Variants in PRKG1 observed in about 807,000 individuals in gnomAD.
The protein encoded by PRKG1 is protein kinase cGMP-dependent 1.
A neutral mutation model predicts 88.1 loss-of-function variants in PRKG1; 35 were observed. The observed-to-expected ratio is 0.40, with a 90% confidence interval of 0.30 to 0.53. The LOEUF (loss-of-function observed/expected upper bound fraction) is 0.53, where lower values mean the gene tolerates loss of function less well. Among genes scored for constraint, PRKG1 ranks in the 20% least tolerant of loss-of-function variants. The pLI, the probability that PRKG1 is intolerant of heterozygous loss-of-function variation, is 0.59. For missense variants in PRKG1, 540 were observed against 839.8 expected (o/e 0.64, Z 4.41); for synonymous variants, 303 against 292.5 (o/e 1.04, Z -0.37).
At chr10:51,303,056 C>T (rs1035208659) in intron 2 of PRKG1, among the ~76,000 whole-genome samples, 10 of 151,940 alleles carry the variant, frequency 6.6e-5, no homozygotes, top group Non-Finnish European at 1.0e-4. Context: ...CTGTTTCAAC[C>T]GGGTTAAGAT....
intron 2 of PRKG1, among the ~76,000 whole-genome samples, chr10:51,282,192 T>C (rs1840318687): frequency 6.6e-6 from 1 of 152,186 alleles, no homozygotes; most frequent in African/African-American, 2.4e-5. Context: ...TCCAGTTTTT[T>C]GAGCTTGGAA....
chr10:51,724,855 G>C (rs1349327251), intron 3 of PRKG1, among the ~76,000 whole-genome samples: 4 of 149,992 alleles, frequency 2.7e-5, no homozygotes, highest in Admixed American at 2.7e-4. Flanking sequence ...TACCATGCCT[G>C]GCTAATTTTT....
chr10:51,001,931 G>A (rs1426515553), intron 1 of PRKG1, among the ~76,000 whole-genome samples: 1 of 149,558 alleles, frequency 6.7e-6, no homozygotes, highest in Non-Finnish European at 1.5e-5. Flanking sequence ...AGTTTGAAAA[G>A]TGTATTATCA....
chr10:51,943,821 A>G (rs1397554220), intron 5 of PRKG1, among the ~76,000 whole-genome samples: 2 of 152,000 alleles, frequency 1.3e-5, no homozygotes, highest in Non-Finnish European at 2.9e-5. Context: ...ATCATGGTGG[A>G]TAAGCTTCTT....
At chr10:51,689,765 C>A (rs1841089276) in intron 3 of PRKG1, among the ~76,000 whole-genome samples, 1 of 152,140 alleles carries the variant, frequency 6.6e-6, no homozygotes, top group Non-Finnish European at 1.5e-5. Flanking sequence ...ACTAGCCATT[C>A]AAAGGCCTGG....
chr10:51,349,708 T>C (rs1314545527), intron 2 of PRKG1, among the ~76,000 whole-genome samples: 1 of 152,072 alleles, frequency 6.6e-6, no homozygotes, highest in Admixed American at 6.6e-5. Flanking sequence ...GGTTTCACCA[T>C]GTTGGCCAGG....
intron 2 of PRKG1, among the ~76,000 whole-genome samples, chr10:51,298,865 A>G (rs1402649417): frequency 6.6e-6 from 1 of 152,224 alleles, no homozygotes; most frequent in Admixed American, 6.5e-5. Context: ...CATAGTAGGC[A>G]TGCAACAAAA....
intron 2 of PRKG1, among the ~76,000 whole-genome samples, chr10:51,363,818 G>C (rs17600560): frequency 6.6e-6 from 1 of 151,984 alleles, no homozygotes; most frequent in South Asian, 2.1e-4. Context: ...CCCTGACCAC[G>C]TCAACGTAAG....
intron 3 of PRKG1, among the ~76,000 whole-genome samples, chr10:51,509,908 G>A (rs772673253): frequency 3.3e-5 from 5 of 152,094 alleles, no homozygotes; most frequent in Non-Finnish European, 7.4e-5. Flanking sequence ...GATGCACTGT[G>A]GTGAGTGTTA....
chr10:51,852,494 C>G (rs185608890), intron 4 of PRKG1, among the ~76,000 whole-genome samples: 1 of 152,042 alleles, frequency 6.6e-6, no homozygotes, highest in African/African-American at 2.4e-5. Context: ...CATAGCAGCT[C>G]CATGTGGTAG....
chr10:51,133,873 T>C (rs1845630186), intron 1 of PRKG1, among the ~76,000 whole-genome samples: 1 of 152,072 alleles, frequency 6.6e-6, no homozygotes, highest in African/African-American at 2.4e-5. Context: ...ATGGGAGAGG[T>C]GCCAGTACAT....
chr10:51,619,896 A>G (rs140890195), intron 3 of PRKG1, among the ~76,000 whole-genome samples: 11 of 152,230 alleles, frequency 7.2e-5, no homozygotes, highest in African/African-American at 2.2e-4. Flanking sequence ...AGAAGCATCA[A>G]TTGAGTTTGC....
At position 52,225,004 on chromosome 10, in the gene PRKG1, G is replaced by A. The variant is rs192510797; in HGVS notation, c.1077-26566G>A. Among the ~76,000 whole-genome samples, 424 of 151,784 alleles carry A rather than the reference G, an allele frequency of 2.8e-3. 8 individuals carry two copies. The highest frequency in any genetic ancestry group is 4.4e-3 in the Non-Finnish European group (301 of 67,918). On this transcript the variant is annotated intron_variant, in intron 9 of 17. Coordinates refer to ENST00000373980, the MANE Select transcript of PRKG1 (RefSeq NM_006258.4). Reference sequence around the variant, plus strand: ...TTTTCCTCTGGTTAGATATCCAGTAGTTGGATTGCTGGAACAAATTGTAGT... The same window carrying A: ...TTTTCCTCTGGTTAGATATCCAGTAATTGGATTGCTGGAACAAATTGTAGT...
chr10:51,593,547 C>T (rs7905079), intron 3 of PRKG1, among the ~76,000 whole-genome samples: 10,923 of 152,142 alleles, frequency 0.072, 1,284 homozygotes, highest in African/African-American at 0.25. Context: ...CTGACATCTC[C>T]ATTTTTAACA....
chr10:51,474,134 T>G (rs1444433888), intron 3 of PRKG1, among the ~76,000 whole-genome samples: 1 of 151,940 alleles, frequency 6.6e-6, no homozygotes, highest in Non-Finnish European at 1.5e-5. Context: ...GCTTTAGGGA[T>G]GGGTGTTGTT....
chr10:51,284,007 G>C (rs1219082330), intron 2 of PRKG1, among the ~76,000 whole-genome samples: 3 of 152,116 alleles, frequency 2.0e-5, no homozygotes, highest in Non-Finnish European at 4.4e-5. Context: ...AGAACTGTCT[G>C]CTATACATAT....
rs551744897 is a variant in PRKG1, at chr10:51,957,187, C to G, written c.762+49617C>G. ...TCTCTTTCTTTTACTTCCTTCCTTCCTCCCTCCTTTCCTCCCTCCCTACCT... is the reference window on the plus strand; with the variant it reads ...TCTCTTTCTTTTACTTCCTTCCTTCGTCCCTCCTTTCCTCCCTCCCTACCT... On this transcript the variant is annotated intron_variant, in intron 5 of 17. Coordinates refer to ENST00000373980, the MANE Select transcript of PRKG1 (RefSeq NM_006258.4). 1.7e-4 allele frequency among the ~76,000 whole-genome samples: 25 copies of G among 143,516 alleles called. 1 individual carries two copies. Among genetic ancestry groups the G allele is most frequent in the Non-Finnish European group, 2.0e-4 (13 of 66,052 alleles). 94.2% of individuals were successfully genotyped at this position (143,516 alleles called of 152,430 possible). A position where few individuals can be genotyped will look rare whatever the true frequency, so the allele number is the denominator to read the frequency against.
chr10:52,025,857 T>C (rs67373140), intron 5 of PRKG1, among the ~76,000 whole-genome samples: 98,686 of 151,356 alleles, frequency 0.65, 32,673 homozygotes, highest in African/African-American at 0.77. Context: ...TAAATTTAGC[T>C]AAGTCAATCC....
chr10:51,165,700 G>A (rs1176307680), intron 2 of PRKG1, among the ~76,000 whole-genome samples: 1 of 152,024 alleles, frequency 6.6e-6, no homozygotes, highest in East Asian at 1.9e-4. Context: ...GATGGAGGAA[G>A]ATCTACCAAG....
Sources: gnomAD v4.1 joint callset for allele counts (sites outside exome capture counted in the v4.1 genomes callset) on GRCh38, gnomAD v4.1.1 for gene constraint, MANE v1.5 for transcripts, NCBI Gene and HGNC (gene_info 2026-07-23, HGNC 2026-07-21) for gene names.